The following ADAMTS6 variants were observed in gnomAD, a reference collection of about 807,000 sequenced individuals.
ADAMTS6 encodes the protein ADAM metallopeptidase with thrombospondin type 1 motif 6, also known as A disintegrin and metalloproteinase with thrombospondin motifs 6.
Under a neutral mutation model 144.3 loss-of-function variants are expected in ADAMTS6, and 23 were observed. The ratio of observed to expected loss-of-function variants is 0.16; its 90% CI spans 0.11 to 0.23. The LOEUF is 0.23. ADAMTS6 is among the 10% of genes least tolerant of loss of function. The pLI, the probability that ADAMTS6 is intolerant of heterozygous loss-of-function variation, is 1.00. For missense variants in ADAMTS6, 999 were observed against 1,379.6 expected, an observed-to-expected ratio of 0.72 and a Z score of 4.37; for synonymous variants, 444 against 457.5, an observed-to-expected ratio of 0.97 and a Z score of 0.38.
At chr5:65,295,190 C>T (rs1742714251) in intron 10 of ADAMTS6, among the ~76,000 whole-genome samples, 1 of 151,980 alleles carries the variant, frequency 6.6e-6, no homozygotes, top group Admixed American at 6.6e-5. Context: ...TTGTATGTCT[C>T]CTGGTATAAA....
chr5:65,451,480 A>G lies in ADAMTS6; in HGVS notation c.1068T>C (p.Ile356=). The stretch of plus-strand genomic sequence containing the variant: ...ATACTTGCAACAAACCATACCTAGT[A>G]ATAAGAACTGCATTATCGTGGTGGG... ...GIAHHDNAVL[I]TRYDICTYKN... Residue 356 remains isoleucine, a synonymous_variant, in exon 7 of 25, where the codon ATT becomes ATC. Coordinates refer to ENST00000381055, the MANE Select transcript of ADAMTS6 (RefSeq NM_197941.4). The G allele has an allele frequency of 6.2e-7, 1 of 1,613,268 alleles. No homozygotes were observed. The highest frequency in any genetic ancestry group is 8.5e-7 in the Non-Finnish European group (1 of 1,179,696).
intron 4 of ADAMTS6, among the ~76,000 whole-genome samples, chr5:65,457,745 CTTTTTTT>C (rs1180960588): frequency 4.1e-5 from 4 of 97,438 alleles, no homozygotes; most frequent in African/African-American, 1.2e-4. Context: ...TTCTTTCTTT[CTTTTTTT>C]TTTTTTTTTT....
intron 22 of ADAMTS6, among the ~76,000 whole-genome samples, chr5:65,178,978 T>C (rs1754159802): frequency 6.6e-6 from 1 of 151,602 alleles, no homozygotes; most frequent in African/African-American, 2.4e-5. Context: ...TGAACATCAG[T>C]AGACTGTGAG....
At chr5:65,237,824 C>T (rs1758804207) in intron 15 of ADAMTS6, among the ~76,000 whole-genome samples, 2 of 152,154 alleles carry the variant, frequency 1.3e-5, no homozygotes, top group South Asian at 2.1e-4. Flanking sequence ...TGTTGGCTCA[C>T]GCCTGTAATC....
At chr5:65,287,595 A>G (rs1028155038) in intron 11 of ADAMTS6, among the ~76,000 whole-genome samples, 1 of 152,104 alleles carries the variant, frequency 6.6e-6, no homozygotes, top group African/African-American at 2.4e-5. Context: ...CAGTGGCACA[A>G]TCTCAGCTCA....
At chr5:65,359,082 A>G (rs1439820704) in intron 7 of ADAMTS6, among the ~76,000 whole-genome samples, 3 of 152,170 alleles carry the variant, frequency 2.0e-5, no homozygotes, top group Non-Finnish European at 1.5e-5. Context: ...AGCAGAGTGA[A>G]AAGACAACTT....
chr5:65,155,725 T>C (rs77896172), intron 24 of ADAMTS6, among the ~76,000 whole-genome samples: 7,521 of 152,228 alleles, frequency 0.049, 607 homozygotes, highest in African/African-American at 0.17. Context: ...TCCAGAGCCA[T>C]TCTATTTCAG....
chr5:65,230,540 A>G (rs1758109001), intron 15 of ADAMTS6, among the ~76,000 whole-genome samples: 1 of 83,904 alleles, frequency 1.2e-5, no homozygotes, highest in South Asian at 3.3e-4. Flanking sequence ...TATATATAAT[A>G]CATGATATAT....
chr5:65,391,861 A>G (rs1460605939), intron 7 of ADAMTS6, among the ~76,000 whole-genome samples: 1 of 151,410 alleles, frequency 6.6e-6, no homozygotes, highest in African/African-American at 2.4e-5. Flanking sequence ...TCAGCCTCCC[A>G]AGTAGCTAGG....
At chr5:65,176,938 C>T (rs1259118719) in intron 22 of ADAMTS6, among the ~76,000 whole-genome samples, 1 of 152,224 alleles carries the variant, frequency 6.6e-6, no homozygotes, top group Non-Finnish European at 1.5e-5. Flanking sequence ...ACATTTAAAA[C>T]AAAAGGTCAA....
intron 24 of ADAMTS6, among the ~76,000 whole-genome samples, chr5:65,156,716 C>G (rs1186224243): frequency 1.3e-5 from 2 of 152,168 alleles, no homozygotes; most frequent in African/African-American, 4.8e-5. Flanking sequence ...TTATATCTAT[C>G]TACTTACTGC....
chr5:65,167,425 T>A (rs1490133868), intron 24 of ADAMTS6, among the ~76,000 whole-genome samples: 1 of 152,118 alleles, frequency 6.6e-6, no homozygotes, highest in African/African-American at 2.4e-5. Flanking sequence ...CAGGACCAGA[T>A]GGATTCACAG....
chr5:65,239,876 G>A (rs949674436), intron 15 of ADAMTS6, among the ~76,000 whole-genome samples: 3 of 152,126 alleles, frequency 2.0e-5, no homozygotes, highest in African/African-American at 7.2e-5. Context: ...ACAACAAATA[G>A]AACCCTCAGA....
chr5:65,323,293 T>C (rs1745812684), intron 9 of ADAMTS6, among the ~76,000 whole-genome samples: 1 of 115,982 alleles, frequency 8.6e-6, no homozygotes, highest in African/African-American at 3.4e-5. Context: ...CAGTCACCAG[T>C]GTGTGATGTT....
chr5:65,424,716 C>G (rs1261683838), intron 7 of ADAMTS6, among the ~76,000 whole-genome samples: 2 of 152,160 alleles, frequency 1.3e-5, no homozygotes, highest in Non-Finnish European at 2.9e-5. Context: ...AAAGTACACA[C>G]AGACAAAAAC....
intron 7 of ADAMTS6, among the ~76,000 whole-genome samples, chr5:65,435,791 A>G (rs963827947): frequency 7.9e-5 from 12 of 151,480 alleles, no homozygotes; most frequent in African/African-American, 2.9e-4. Context: ...ACCGTACACT[A>G]ATTTTTGTAT....
chr5:65,275,462 GAAAGAGAA>G (rs916133580), intron 11 of ADAMTS6, among the ~76,000 whole-genome samples: 10 of 150,766 alleles, frequency 6.6e-5, no homozygotes, highest in African/African-American at 2.4e-4. Flanking sequence ...AAGAAAGAAA[GAAAGAGAA>G]AGAAAGGGAT....
intron 9 of ADAMTS6, among the ~76,000 whole-genome samples, chr5:65,307,757 A>G (rs1292029365): frequency 6.6e-6 from 1 of 152,200 alleles, no homozygotes; most frequent in Non-Finnish European, 1.5e-5. Context: ...AGTGAATTCT[A>G]GTAGTTAGGC....
intron 22 of ADAMTS6, among the ~76,000 whole-genome samples, chr5:65,178,631 G>A (rs1579973257): frequency 6.6e-6 from 1 of 152,244 alleles, no homozygotes; most frequent in East Asian, 1.9e-4. Context: ...CAACTAGATG[G>A]GGTTTCCAAA....
Sources: allele counts gnomAD v4.1 joint callset (sites outside exome capture counted in the v4.1 genomes callset), GRCh38; gene constraint gnomAD v4.1.1; transcripts MANE v1.5; gene names NCBI Gene and HGNC (gene_info 2026-07-23, HGNC 2026-07-21).